Variants in LINGO2 observed in about 807,000 individuals in gnomAD.
LINGO2 encodes the protein leucine rich repeat and Ig domain containing 2.
In LINGO2, 14 loss-of-function variants were observed where a neutral mutation model predicts 30.6. The observed-to-expected ratio is 0.46, with a 90% CI of 0.30 to 0.72. LINGO2 has a LOEUF of 0.72. Ranked by LOEUF, LINGO2 falls within the 30% of genes least tolerant of loss-of-function variation. LINGO2 has a pLI of 0.07. For missense variants in LINGO2, 729 were observed against 751.7 expected (o/e 0.97, Z 0.35); for synonymous variants, 317 against 288.5 (o/e 1.10, Z -1.00).
At chr9:28,922,942 A>C in the LINGO2 span, among the ~76,000 whole-genome samples, 1 of 152,204 alleles carries the variant, frequency 6.6e-6, no homozygotes, top group Non-Finnish European at 1.5e-5. Context: ...TCTTTATAAA[A>C]GGGAGGTGGA....
intron 4 of LINGO2, among the ~76,000 whole-genome samples, chr9:28,229,473 C>G (rs1041867507): frequency 6.6e-6 from 1 of 151,500 alleles, no homozygotes; most frequent in African/African-American, 2.4e-5. Context: ...AGATGAAGAA[C>G]AAGAGGAGGA....
At chr9:28,963,364 C>T in the LINGO2 span, among the ~76,000 whole-genome samples, 1 of 151,800 alleles carries the variant, frequency 6.6e-6, no homozygotes, top group African/African-American at 2.4e-5. Flanking sequence ...AGATAAGTTT[C>T]CTATCATGTG....
At chr9:28,874,337 G>C in the LINGO2 span, among the ~76,000 whole-genome samples, 1 of 151,654 alleles carries the variant, frequency 6.6e-6, no homozygotes, top group African/African-American at 2.4e-5. Context: ...GATATTATGA[G>C]ATTAAAAAAA....
At chr9:28,864,262 G>A in the LINGO2 span, among the ~76,000 whole-genome samples, 1 of 152,060 alleles carries the variant, frequency 6.6e-6, no homozygotes, top group East Asian at 1.9e-4. Context: ...ATCATTAAAT[G>A]AGTTTAACCT....
chr9:29,074,991 T>A, the LINGO2 span, among the ~76,000 whole-genome samples: 2 of 152,250 alleles, frequency 1.3e-5, no homozygotes, highest in African/African-American at 4.8e-5. Context: ...TTTAAATTAC[T>A]TTCAAACTTC....
rs1348540401 is a variant in LINGO2, at chr9:28,345,858, T to C, written c.-246+26978A>G. Among the ~76,000 whole-genome samples, 5 of 152,136 alleles carry C rather than the reference T, an allele frequency of 3.3e-5. No individual in the cohort carries two copies. The East Asian group carries it at 9.6e-4, about 29-fold the overall frequency. On this transcript the variant is annotated intron_variant, in intron 3 of 5. Coordinates refer to ENST00000379992, the Ensembl canonical transcript of LINGO2. ...AGGATTAGTTAAAATAAATGTTTCCTAAACAAAAATAGCAAAAGTCCTTAT... is the reference window on the plus strand; with the variant it reads ...AGGATTAGTTAAAATAAATGTTTCCCAAACAAAAATAGCAAAAGTCCTTAT...
intron 1 of LINGO2, among the ~76,000 whole-genome samples, chr9:28,536,257 A>G (rs913896036): frequency 2.0e-5 from 3 of 152,090 alleles, no homozygotes; most frequent in African/African-American, 7.2e-5. Context: ...CTTTGTAACT[A>G]TAATTTCTTT....
intron 1 of LINGO2, among the ~76,000 whole-genome samples, chr9:28,654,998 T>A (rs1422272810): frequency 1.3e-5 from 2 of 152,130 alleles, no homozygotes; most frequent in African/African-American, 4.8e-5. Context: ...CTACTATTCA[T>A]AAAACATTTG....
At chr9:28,718,670 C>T in the LINGO2 span, among the ~76,000 whole-genome samples, 4,146 of 152,034 alleles carry the variant, frequency 0.027, 208 homozygotes, top group African/African-American at 0.091. Context: ...AAAAGCCTAC[C>T]AATTTTTTAT....
chr9:28,547,204 A>G (rs1293036481), intron 1 of LINGO2, among the ~76,000 whole-genome samples: 1 of 152,114 alleles, frequency 6.6e-6, no homozygotes, highest in African/African-American at 2.4e-5. Context: ...TTCTCCCTGT[A>G]TTACTACTAT....
At chr9:28,008,350 A>G (rs1052496789) in intron 5 of LINGO2, among the ~76,000 whole-genome samples, 3 of 152,140 alleles carry the variant, frequency 2.0e-5, no homozygotes, top group African/African-American at 7.2e-5. Context: ...TGATATCTAT[A>G]AAATATGTAA....
chr9:29,178,204 C>T, the LINGO2 span, among the ~76,000 whole-genome samples: 2 of 151,970 alleles, frequency 1.3e-5, no homozygotes, highest in East Asian at 3.9e-4. Flanking sequence ...TACAGACATG[C>T]ACCAGCACGC....
the LINGO2 span, among the ~76,000 whole-genome samples, chr9:28,853,127 C>T: frequency 0.15 from 22,626 of 152,062 alleles, 2,526 homozygotes; most frequent in African/African-American, 0.32. Context: ...GGCAATCTGT[C>T]TACAAATGAT....
chr9:29,060,702 C>A, the LINGO2 span, among the ~76,000 whole-genome samples: 7 of 151,244 alleles, frequency 4.6e-5, no homozygotes, highest in African/African-American at 1.7e-4. Flanking sequence ...AAATATAAAT[C>A]ATTAAAAAAG....
chr9:28,114,283 GC>G (rs1333159989), intron 4 of LINGO2, among the ~76,000 whole-genome samples: 1 of 92,470 alleles, frequency 1.1e-5, no homozygotes, highest in Admixed American at 1.3e-4. Flanking sequence ...TGGTGGATAA[GC>G]TTTTTGATGT....
At chr9:28,440,886 T>A (rs1824162836) in intron 2 of LINGO2, among the ~76,000 whole-genome samples, 1 of 152,140 alleles carries the variant, frequency 6.6e-6, no homozygotes, top group Non-Finnish European at 1.5e-5. Context: ...ATAAAACAAT[T>A]TGAATGAAAA....
the LINGO2 span, among the ~76,000 whole-genome samples, chr9:28,739,177 CA>C: frequency 6.6e-6 from 1 of 151,604 alleles, no homozygotes; most frequent in African/African-American, 2.4e-5. Flanking sequence ...AGTACTTTTC[CA>C]AAAAATATAT....
intron 2 of LINGO2, among the ~76,000 whole-genome samples, chr9:28,409,833 C>G (rs1002252789): frequency 4.0e-5 from 6 of 148,524 alleles, no homozygotes; most frequent in African/African-American, 7.3e-5. Flanking sequence ...TTAAACTAAT[C>G]AAACTGAGGC....
the LINGO2 span, among the ~76,000 whole-genome samples, chr9:29,212,323 C>A: frequency 1.3e-5 from 2 of 151,786 alleles, no homozygotes; most frequent in African/African-American, 4.8e-5. Context: ...CTGGCGCCCC[C>A]ACACCCACCC....
Sources: gnomAD v4.1 joint callset for allele counts (sites outside exome capture counted in the v4.1 genomes callset) on GRCh38, gnomAD v4.1.1 for gene constraint, MANE v1.5 for transcripts, NCBI Gene and HGNC (gene_info 2026-07-23, HGNC 2026-07-21) for gene names.